LPAR1: variants seen among roughly 807,000 people sequenced by gnomAD.
LPAR1 encodes the protein LPA receptor 1.
A neutral mutation model predicts 23.8 loss-of-function variants in LPAR1; 5 were observed. The ratio of observed to expected loss-of-function variants is 0.21; its 90% CI spans 0.11 to 0.44. The LOEUF (loss-of-function observed/expected upper bound fraction) is 0.44. Among genes scored for constraint, LPAR1 ranks in the 20% least tolerant of loss-of-function variants. The pLI is 0.99. For missense variants in LPAR1, 311 were observed against 482.8 expected (o/e 0.64, Z 3.33); for synonymous variants, 160 against 164.7 (o/e 0.97, Z 0.22).
At chr9:110,912,132 T>C (rs1369574030) in intron 5 of LPAR1, among the ~76,000 whole-genome samples, 2 of 152,198 alleles carry the variant, frequency 1.3e-5, no homozygotes, top group Admixed American at 6.5e-5. Flanking sequence ...ACAGTGTGAC[T>C]ACATCACAGT....
chr9:110,946,629 G>A (rs75112201), intron 4 of LPAR1, among the ~76,000 whole-genome samples: 6 of 151,876 alleles, frequency 4.0e-5, no homozygotes, highest in Non-Finnish European at 5.9e-5. Flanking sequence ...CACTTCCTTC[G>A]TAGAGAAAGT....
At chr9:110,883,935 A>G (rs921185946) in intron 5 of LPAR1, among the ~76,000 whole-genome samples, 1 of 151,600 alleles carries the variant, frequency 6.6e-6, no homozygotes, top group Non-Finnish European at 1.5e-5. Context: ...TTTTTTTGGA[A>G]TCTCTTTTCT....
chr9:111,031,907 G>A (rs899887488), intron 2 of LPAR1, among the ~76,000 whole-genome samples: 1 of 152,176 alleles, frequency 6.6e-6, no homozygotes, highest in Non-Finnish European at 1.5e-5. Context: ...TGGAGAAAAT[G>A]TTCCTAAAAT....
intron 5 of LPAR1, among the ~76,000 whole-genome samples, chr9:110,900,803 G>C (rs2088597940): frequency 6.6e-6 from 1 of 152,030 alleles, no homozygotes; most frequent in African/African-American, 2.4e-5. Flanking sequence ...TTTTCTTTTA[G>C]ATTTATCTCA....
At chr9:110,973,044 A>G (rs1427001098) in intron 3 of LPAR1, among the ~76,000 whole-genome samples, 4 of 152,224 alleles carry the variant, frequency 2.6e-5, no homozygotes, top group Non-Finnish European at 5.9e-5. Context: ...CAGGTAGCAC[A>G]CACAGTGTGG....
chr9:110,971,042 G>T (rs1032830205), intron 4 of LPAR1, among the ~76,000 whole-genome samples: 1 of 152,162 alleles, frequency 6.6e-6, no homozygotes, highest in Non-Finnish European at 1.5e-5. Context: ...AGCTGAGACA[G>T]GAGAATCGCT....
intron 2 of LPAR1, among the ~76,000 whole-genome samples, chr9:110,991,234 C>T (rs1328834966): frequency 6.6e-6 from 1 of 152,180 alleles, no homozygotes; most frequent in Non-Finnish European, 1.5e-5. Context: ...CATATTTGCT[C>T]ATTTCTGCTT....
intron 2 of LPAR1, among the ~76,000 whole-genome samples, chr9:110,979,198 GATAA>G (rs1479029184): frequency 4.6e-5 from 7 of 151,580 alleles, no homozygotes; most frequent in African/African-American, 1.7e-4. Context: ...TATTGTGCAT[GATAA>G]ATACTTATAA....
chr9:110,922,919 C>T (rs2093738246), intron 5 of LPAR1, among the ~76,000 whole-genome samples: 2 of 151,240 alleles, frequency 1.3e-5, no homozygotes, highest in South Asian at 2.1e-4. Flanking sequence ...ATACACGTGC[C>T]ATGGTGGTTT....
At chr9:111,014,874 T>C (rs1226391967) in intron 2 of LPAR1, among the ~76,000 whole-genome samples, 1 of 151,846 alleles carries the variant, frequency 6.6e-6, no homozygotes, top group Non-Finnish European at 1.5e-5. Flanking sequence ...CTAAACTGTG[T>C]CCCCCCGAGA....
At chr9:110,938,920 C>T (rs1354149951) in intron 5 of LPAR1, among the ~76,000 whole-genome samples, 1 of 152,076 alleles carries the variant, frequency 6.6e-6, no homozygotes, top group Admixed American at 6.6e-5. Flanking sequence ...AGCCAGCAAT[C>T]CATTAGTGCT....
intron 5 of LPAR1, among the ~76,000 whole-genome samples, chr9:110,889,250 C>T (rs1363197081): frequency 3.3e-5 from 5 of 151,962 alleles, no homozygotes; most frequent in Admixed American, 2.0e-4. Context: ...CTCAGCTACT[C>T]GGGAGGCTGA....
intron 2 of LPAR1, among the ~76,000 whole-genome samples, chr9:111,034,013 C>T (rs915754907): frequency 1.3e-5 from 2 of 152,220 alleles, no homozygotes; most frequent in African/African-American, 4.8e-5. Context: ...ACCTATAAAG[C>T]TCCTGAATAC....
At chr9:111,030,902 A>G (rs2097782517) in intron 2 of LPAR1, among the ~76,000 whole-genome samples, 1 of 152,198 alleles carries the variant, frequency 6.6e-6, no homozygotes, top group Admixed American at 6.5e-5. Context: ...AGGCAGGCAC[A>G]GACAGATACA....
Position 110,947,191 on chromosome 9 carries a change from G to A in LPAR1, c.46-5023C>T, listed in dbSNP as rs118059194. 7.3e-4 allele frequency among the ~76,000 whole-genome samples: 111 copies of A among 152,126 alleles called. No individual in the cohort carries two copies. In the East Asian group the frequency reaches 0.014, roughly 19 times the overall value. On this transcript the variant is annotated intron_variant, in intron 4 of 5. Transcript: ENST00000683809. The stretch of plus-strand genomic sequence containing the variant: ...TCATATTTATTGCAAGAAATTTTGG[G>A]AAGAACAAAAATACACTCATACAAA...
intron 4 of LPAR1, among the ~76,000 whole-genome samples, chr9:110,962,131 A>G (rs149743009): frequency 9.8e-5 from 15 of 152,296 alleles, no homozygotes; most frequent in African/African-American, 3.4e-4. Flanking sequence ...TGAATGAGAC[A>G]GTGGAATGAT....
intron 4 of LPAR1, among the ~76,000 whole-genome samples, chr9:110,946,147 A>G (rs1168173777): frequency 1.3e-5 from 2 of 152,160 alleles, no homozygotes; most frequent in Admixed American, 1.3e-4. Flanking sequence ...CAGGTAGAAG[A>G]CTAAGGAAAT....
intron 2 of LPAR1, among the ~76,000 whole-genome samples, chr9:110,994,786 G>A (rs1286150913): frequency 6.6e-6 from 1 of 152,132 alleles, no homozygotes; most frequent in African/African-American, 2.4e-5. Context: ...AAAAGTGACT[G>A]TTACAAAGTA....
At chr9:110,986,835 T>C (rs1208261451) in intron 2 of LPAR1, among the ~76,000 whole-genome samples, 1 of 152,130 alleles carries the variant, frequency 6.6e-6, no homozygotes, top group Non-Finnish European at 1.5e-5. Flanking sequence ...AGCTTAAAAT[T>C]CAAGCACCTT....
Sources: gnomAD v4.1 joint callset for allele counts (sites outside exome capture counted in the v4.1 genomes callset) on GRCh38, gnomAD v4.1.1 for gene constraint, MANE v1.5 for transcripts, NCBI Gene and HGNC (gene_info 2026-07-23, HGNC 2026-07-21) for gene names.